VIPR2: variants seen among roughly 807,000 people sequenced by gnomAD.
VIPR2 encodes the protein vasoactive intestinal peptide receptor 2.
VIPR2 carries 48 observed loss-of-function variants against 58.0 expected under a neutral mutation model. The ratio of observed to expected loss-of-function variants is 0.83; its 90% CI spans 0.66 to 1.05. The LOEUF is 1.05. Among genes scored for constraint, VIPR2 ranks in the 50% least tolerant of loss-of-function variants. The pLI is 0.00. For synonymous variants in VIPR2, 243 were observed against 235.2 expected (o/e 1.03, Z -0.30); for missense variants, 534 against 558.0 (o/e 0.96, Z 0.43).
chr7:159,140,709 C>T lies in VIPR2; in HGVS notation c.151+1737G>A, dbSNP rs574272119. Among the ~76,000 whole-genome samples the T allele has an allele frequency of 7.7e-4, 118 of 152,328 alleles. 1 individual carries two copies. The highest frequency in any genetic ancestry group is 7.6e-3 in the Admixed American group (116 of 15,304). On this transcript the variant is annotated intron_variant, in intron 2 of 12. Transcript: ENST00000262178. ...GGGCTCTCGGGCCTGCATATGAACC[C>T]GCTCAAGCTGGCGTGGGGCTGAGTG...
intron 1 of VIPR2, chr7:159,144,374 C>A: frequency 1.9e-6 from 3 of 1,543,270 alleles, no homozygotes; most frequent in Non-Finnish European, 2.6e-6. Context: ...GCGCAGCCCG[C>A]GCAGGCGCCC....
At chr7:159,122,272 A>G (rs1267125764) in intron 2 of VIPR2, among the ~76,000 whole-genome samples, 1 of 152,206 alleles carries the variant, frequency 6.6e-6, no homozygotes, top group Non-Finnish European at 1.5e-5. Context: ...TCAAGCCTTT[A>G]GCATCAAATT....
intron 3 of VIPR2, 119 bp downstream of exon 3, chr7:159,109,693 C>T (rs1057031985): frequency 1.1e-6 from 1 of 922,422 alleles, no homozygotes; most frequent in South Asian, 1.5e-5. Context: ...GTTCCCTGAC[C>T]CCCAGGGTAG....
chr7:159,093,860 C>G lies in VIPR2; in HGVS notation c.357+9897G>C, dbSNP rs1857655160. 6.6e-6 allele frequency among the ~76,000 whole-genome samples: 1 copy of G among 152,176 alleles called. No homozygotes were observed. Among genetic ancestry groups the G allele is most frequent in the South Asian group, 2.1e-4 (1 of 4,820 alleles). On this transcript the variant is annotated intron_variant, in intron 4 of 12. Coordinates refer to ENST00000262178, the MANE Select transcript of VIPR2 (RefSeq NM_003382.5). This position sits in a 1 kb window ranked among gnomAD's most constrained non-coding sequence, Gnocchi z 6.7. ...AGGCCCCGCAGTGTCCCTGAGTCTC[C>G]TGGACAGCGGCCACCCCATGCCCAG... is the stretch of plus-strand genomic sequence containing the variant.
At chr7:159,064,190 G>A (rs926702342) in intron 4 of VIPR2, among the ~76,000 whole-genome samples, 2 of 152,100 alleles carry the variant, frequency 1.3e-5, no homozygotes, top group African/African-American at 2.4e-5. Context: ...TGGGGTGGGA[G>A]AGGGGCGGCC....
chr7:159,082,460 T>C (rs1856956242), intron 4 of VIPR2, among the ~76,000 whole-genome samples: 1 of 151,824 alleles, frequency 6.6e-6, no homozygotes, highest in Non-Finnish European at 1.5e-5. Flanking sequence ...CACCGGGGAC[T>C]GTTGTGGGGT....
intron 9 of VIPR2, 103 bp downstream of exon 9, chr7:159,034,478 G>T: frequency 7.4e-7 from 1 of 1,345,498 alleles, no homozygotes; most frequent in Non-Finnish European, 1.1e-6. Context: ...GCTGAGTGAT[G>T]CGTGGAATGG....
chr7:159,065,599 G>A (rs1043516739), intron 4 of VIPR2, among the ~76,000 whole-genome samples: 7 of 152,228 alleles, frequency 4.6e-5, no homozygotes, highest in African/African-American at 1.4e-4. Flanking sequence ...TTCCTTGCAT[G>A]TACAATAACA....
rs142898881 is a variant in VIPR2 at position 159,032,034 on chromosome 7, C to T, written c.1005G>A (p.Pro335=). The T allele has an allele frequency of 6.3e-3, 10,229 of 1,614,058 alleles. 50 individuals are homozygous for T. The highest frequency in any genetic ancestry group is 7.8e-3 in the Non-Finnish European group (9,229 of 1,180,024). Residue 335 remains proline, a synonymous_variant, in exon 11 of 13, where the codon CCG becomes CCA. Transcript: ENST00000262178. ...RLAKSTLLLI[P]LFGVHYMVFA... is the part of the protein sequence containing the mutation. ...ACACCATGTAGTGGACGCCGAACAG[C>T]GGGATAAGCAGGAGCGTGGACTTGG...
intron 4 of VIPR2, among the ~76,000 whole-genome samples, chr7:159,075,452 C>A (rs1856587166): frequency 6.6e-6 from 1 of 152,212 alleles, no homozygotes; most frequent in Non-Finnish European, 1.5e-5. Flanking sequence ...TCCCTATTTG[C>A]AAACAGTTTG....
At chr7:159,039,385 T>C (rs1854175973) in intron 6 of VIPR2, among the ~76,000 whole-genome samples, 1 of 151,760 alleles carries the variant, frequency 6.6e-6, no homozygotes, top group Admixed American at 6.6e-5. Flanking sequence ...GGCTGAGACA[T>C]GAGAATCGCC....
chr7:159,068,341 G>A (rs1856202419), intron 4 of VIPR2, among the ~76,000 whole-genome samples: 2 of 152,174 alleles, frequency 1.3e-5, no homozygotes, highest in African/African-American at 2.4e-5. Context: ...ATTAAAATCT[G>A]TCAGAGAAAT....
At position 159,101,303 on chromosome 7, in the gene VIPR2, C is replaced by T. The variant is rs541766385; in HGVS notation, c.357+2454G>A. Among the ~76,000 whole-genome samples, 21 of 145,172 alleles carry T rather than the reference C, an allele frequency of 1.4e-4. 1 individual carries two copies. Among genetic ancestry groups the T allele is most frequent in the South Asian group, 1.1e-3 (5 of 4,442 alleles). ...CCCCGACTGTTCCTGTGATAGTGAACGGGTCTCACGAGATCCGACGAGGCG... is the reference window on the plus strand; with the variant it reads ...CCCCGACTGTTCCTGTGATAGTGAATGGGTCTCACGAGATCCGACGAGGCG... On this transcript the variant is annotated intron_variant, in intron 4 of 12. Coordinates refer to ENST00000262178, the MANE Select transcript of VIPR2 (RefSeq NM_003382.5).
intron 4 of VIPR2, among the ~76,000 whole-genome samples, chr7:159,071,761 C>T (rs901322288): frequency 6.6e-6 from 1 of 152,258 alleles, no homozygotes; most frequent in African/African-American, 2.4e-5. Context: ...GGCCGGGAAC[C>T]CTGCAGCACC....
chr7:159,061,968 G>A (rs1855696765), intron 4 of VIPR2, among the ~76,000 whole-genome samples: 1 of 152,348 alleles, frequency 6.6e-6, no homozygotes, highest in East Asian at 1.9e-4. Context: ...GCGGGAGGGC[G>A]GAAAGCCTGA....
rs1010572680 is a variant in VIPR2 at position 159,030,462 on chromosome 7, T to C, written c.*154A>G. 11 of 812,806 alleles carry C rather than the reference T, an allele frequency of 1.4e-5. No homozygotes were observed. The African/African-American group carries it at 1.8e-4, about 13-fold the overall frequency. The allele number at this position is 812,806 out of a possible 1,614,324, so 50.3% of individuals were successfully genotyped here. A position where few individuals can be genotyped will look rare whatever the true frequency, so the allele number is the denominator to read the frequency against. On this transcript the variant is annotated 3_prime_UTR_variant, in exon 13 of 13. Transcript: ENST00000262178. ...GACAACACGACTCCAATTCCAGGTA[T>C]GGGGTTTAGTGGACAACCAGCTTGA...
intron 4 of VIPR2, among the ~76,000 whole-genome samples, chr7:159,100,889 G>A (rs1255379374): frequency 1.4e-5 from 2 of 145,892 alleles, no homozygotes; most frequent in Non-Finnish European, 3.0e-5. Context: ...CACGAGATCC[G>A]ACAAGGCCGT....
intron 4 of VIPR2, among the ~76,000 whole-genome samples, chr7:159,061,484 T>C (rs1855648474): frequency 6.7e-6 from 1 of 150,284 alleles, no homozygotes; most frequent in Non-Finnish European, 1.5e-5. Flanking sequence ...CCCGTCTCCA[T>C]AAAAAAAATG....
intron 2 of VIPR2, among the ~76,000 whole-genome samples, chr7:159,130,050 C>T (rs1206493330): frequency 6.6e-6 from 1 of 152,148 alleles, no homozygotes; most frequent in Non-Finnish European, 1.5e-5. Flanking sequence ...TGACCAGCTT[C>T]ACACTCTGTC....
Sources: gnomAD v4.1 joint callset for allele counts (sites outside exome capture counted in the v4.1 genomes callset) on GRCh38, gnomAD v4.1.1 for gene constraint, Gnocchi (gnomAD v3.1) non-coding constraint, MANE v1.5 for transcripts, NCBI Gene and HGNC (gene_info 2026-07-23, HGNC 2026-07-21) for gene names.